ATXN1: variants seen among roughly 807,000 people sequenced by gnomAD.
ATXN1 encodes ataxin 1, also known as ataxin-1.
Under a neutral mutation model 56.4 loss-of-function variants are expected in ATXN1, and 8 were observed. The ratio of observed to expected loss-of-function variants is 0.14; its 90% CI spans 0.08 to 0.26. The LOEUF is 0.26. ATXN1 is among the 10% of genes least tolerant of loss of function. ATXN1 has a pLI of 1.00. For missense variants in ATXN1, 987 were observed against 1,106.5 expected, an observed-to-expected ratio of 0.89 and a Z score of 1.53; for synonymous variants, 514 against 494.6, an observed-to-expected ratio of 1.04 and a Z score of -0.52.
chr6:16,602,353 T>A (rs150793945), intron 3 of ATXN1, among the ~76,000 whole-genome samples: 1 of 152,274 alleles, frequency 6.6e-6, no homozygotes, highest in Non-Finnish European at 1.5e-5. Context: ...CCAAAAAAAA[T>A]CCATACTTTA....
chr6:16,510,269 A>G (rs1761059317), intron 5 of ATXN1, among the ~76,000 whole-genome samples: 1 of 152,174 alleles, frequency 6.6e-6, no homozygotes, highest in Non-Finnish European at 1.5e-5. Flanking sequence ...TCAGACCGAC[A>G]GGATCAGAAC....
At chr6:16,646,272 T>C (rs1006849124) in intron 3 of ATXN1, among the ~76,000 whole-genome samples, 4 of 152,100 alleles carry the variant, frequency 2.6e-5, no homozygotes, top group Non-Finnish European at 5.9e-5. Flanking sequence ...AAAAAGCAGA[T>C]AAGTAAATTC....
intron 3 of ATXN1, among the ~76,000 whole-genome samples, chr6:16,621,503 C>T (rs1471431278): frequency 6.6e-6 from 1 of 152,174 alleles, no homozygotes; most frequent in African/African-American, 2.4e-5. Flanking sequence ...AGGTGGATCA[C>T]CTGAGGTCAG....
At chr6:16,312,289 C>T (rs768265395) in intron 7 of ATXN1, among the ~76,000 whole-genome samples, 78 of 152,216 alleles carry the variant, frequency 5.1e-4, no homozygotes, top group Non-Finnish European at 9.0e-4. Context: ...TTTTGAAAGC[C>T]TTTCATTATT....
chr6:16,637,213 G>A (rs1205035404), intron 3 of ATXN1, among the ~76,000 whole-genome samples: 3 of 152,166 alleles, frequency 2.0e-5, no homozygotes, highest in South Asian at 4.2e-4. Context: ...GGATGAAGCT[G>A]GAAACCATCA....
At chr6:16,532,398 T>A (rs1446277054) in intron 4 of ATXN1, among the ~76,000 whole-genome samples, 1 of 152,130 alleles carries the variant, frequency 6.6e-6, no homozygotes, top group Non-Finnish European at 1.5e-5. Flanking sequence ...CTCTACATAT[T>A]CATCTCTGCA....
intron 3 of ATXN1, among the ~76,000 whole-genome samples, chr6:16,600,167 C>T (rs1174738436): frequency 6.6e-6 from 1 of 152,078 alleles, no homozygotes; most frequent in Non-Finnish European, 1.5e-5. Context: ...TTTCCCTAGC[C>T]CCCAGTATAC....
intron 5 of ATXN1, among the ~76,000 whole-genome samples, chr6:16,498,234 C>T (rs993626636): frequency 6.6e-6 from 1 of 152,220 alleles, no homozygotes; most frequent in Non-Finnish European, 1.5e-5. Context: ...TAAACTGAAT[C>T]ATACAATATG....
At chr6:16,644,175 G>C (rs553469921) in intron 3 of ATXN1, among the ~76,000 whole-genome samples, 82 of 152,308 alleles carry the variant, frequency 5.4e-4, no homozygotes, top group African/African-American at 1.9e-3. Flanking sequence ...GGATAGTGGA[G>C]ATGATTGCAC....
chr6:16,360,070 AAAAAAT>A (rs1194018019), intron 6 of ATXN1, among the ~76,000 whole-genome samples: 1 of 152,220 alleles, frequency 6.6e-6, no homozygotes, highest in African/African-American at 2.4e-5. Context: ...CTATGGACGT[AAAAAAT>A]AAAAATAAAA....
At chr6:16,462,729 T>C (rs1760024262) in intron 6 of ATXN1, among the ~76,000 whole-genome samples, 1 of 152,152 alleles carries the variant, frequency 6.6e-6, no homozygotes, top group Admixed American at 6.5e-5. Flanking sequence ...CCGTTATGCA[T>C]CCAACGCAAC....
chr6:16,600,173 T>G (rs547437047), intron 3 of ATXN1, among the ~76,000 whole-genome samples: 23 of 152,316 alleles, frequency 1.5e-4, no homozygotes, highest in Non-Finnish European at 3.1e-4. Context: ...TAGCCCCCAG[T>G]ATACTTTTGG....
chr6:16,665,245 A>G (rs1364355133), intron 2 of ATXN1, among the ~76,000 whole-genome samples: 1 of 152,204 alleles, frequency 6.6e-6, no homozygotes, highest in Non-Finnish European at 1.5e-5. Context: ...AATAAACTCT[A>G]AGTATTCTTT....
chr6:16,591,489 T>C (rs1017363631), intron 3 of ATXN1, among the ~76,000 whole-genome samples: 1 of 152,234 alleles, frequency 6.6e-6, no homozygotes. Flanking sequence ...TAACATCTGA[T>C]GGAATCTTAG....
intron 4 of ATXN1, among the ~76,000 whole-genome samples, chr6:16,530,303 A>G (rs1464487399): frequency 6.6e-6 from 1 of 152,208 alleles, no homozygotes; most frequent in Non-Finnish European, 1.5e-5. Flanking sequence ...CAGATCCAGA[A>G]GAGAAATACT....
At chr6:16,443,802 T>A (rs1009272210) in intron 6 of ATXN1, among the ~76,000 whole-genome samples, 1 of 152,126 alleles carries the variant, frequency 6.6e-6, no homozygotes, top group Admixed American at 6.6e-5. Context: ...TATAAACTCA[T>A]GAGGTATTTT....
Position 16,413,011 on chromosome 6 carries a change from G to C in ATXN1, c.-161+72961C>G, listed in dbSNP as rs192450892. Among the ~76,000 whole-genome samples the C allele has an allele frequency of 5.6e-3, 847 of 152,230 alleles. 5 individuals carry two copies. Among genetic ancestry groups the C allele is most frequent in the Non-Finnish European group, 5.9e-3 (401 of 68,020 alleles). On this transcript the variant is annotated intron_variant, in intron 6 of 7. Transcript: ENST00000436367. ...TAGTTTTCTAGTGTTAGGGTGATGAGGTCTCTATCTATTCACAAGAAGAAA... is the reference window on the plus strand; with the variant it reads ...TAGTTTTCTAGTGTTAGGGTGATGACGTCTCTATCTATTCACAAGAAGAAA...
At chr6:16,307,803 T>A (rs1268362936) in intron 7 of ATXN1, among the ~76,000 whole-genome samples, 2 of 152,144 alleles carry the variant, frequency 1.3e-5, no homozygotes, top group East Asian at 3.9e-4. Context: ...CAAATAAATT[T>A]AAAAACTCTG....
intron 3 of ATXN1, among the ~76,000 whole-genome samples, chr6:16,625,519 G>A (rs1763392790): frequency 1.3e-5 from 2 of 152,036 alleles, no homozygotes; most frequent in South Asian, 4.2e-4. Context: ...GAGAGGCAAG[G>A]CATTTATCAT....
Sources: allele counts gnomAD v4.1 joint callset (sites outside exome capture counted in the v4.1 genomes callset), GRCh38; gene constraint gnomAD v4.1.1; transcripts MANE v1.5; gene names NCBI Gene and HGNC (gene_info 2026-07-23, HGNC 2026-07-21).